The following DCAF10 variants were observed in gnomAD, a reference collection of about 807,000 sequenced individuals.
DCAF10 encodes DDB1 and CUL4 associated factor 10.
A neutral mutation model predicts 51.9 loss-of-function variants in DCAF10; 19 were observed. That is an observed-to-expected ratio of 0.37 (90% CI 0.26 to 0.54). The LOEUF (loss-of-function observed/expected upper bound fraction) is 0.54, where lower values mean the gene tolerates loss of function less well. DCAF10 is among the 20% of genes least tolerant of loss of function. DCAF10 has a pLI of 0.87. For synonymous variants in DCAF10, 291 were observed against 297.1 expected, an observed-to-expected ratio of 0.98 and a Z score of 0.21; for missense variants, 510 against 730.6, an observed-to-expected ratio of 0.70 and a Z score of 3.48.
chr9:37,859,945 G>A, intron 5 of DCAF10, 103 bp from the exon 6 acceptor site: 3 of 1,372,194 alleles, frequency 2.2e-6, no homozygotes, highest in Non-Finnish European at 2.0e-6. Context: ...GCAGACTAAG[G>A]AATGACGGCA....
At chr9:37,857,427 C>A in intron 5 of DCAF10, 76 bp downstream of exon 5, 1 of 1,104,070 alleles carries the variant, frequency 9.1e-7, no homozygotes, top group Non-Finnish European at 1.3e-6. Flanking sequence ...TTGATTAAAA[C>A]CAGTTTTATG....
chr9:37,801,324 G>A lies in DCAF10; in HGVS notation c.458G>A (p.Gly153Asp), dbSNP rs1440116800. The A allele has an allele frequency of 6.3e-7, 1 of 1,590,140 alleles. No homozygotes were observed. The highest frequency in any genetic ancestry group is 1.7e-5 in the Admixed American group (1 of 57,762). ...TTTCGCACCATGACTAGCCTCTACG[G>A]TTCCATCCACCCCGCGGACTCGGTG... Reference protein sequence around the residue: ...DNFRTMTSLYGSIHPADSVYL... With the variant: ...DNFRTMTSLYDSIHPADSVYL... The change falls in exon 1 of 7, where the codon GGT (glycine) becomes GAT (aspartate). Residue 153 changes from glycine (G) to aspartate (D), a missense_variant. Gly to Asp is a moderately conservative substitution (Grantham distance 94). Around this residue, in one of 4 missense-constraint regions of DCAF10, gnomAD observed 126 missense variants for 271.5 expected, o/e 0.46. Coordinates refer to ENST00000377724, the MANE Select transcript of DCAF10 (RefSeq NM_024345.5). The surrounding 1 kb of genome is among the most constrained non-coding windows in gnomAD (Gnocchi z 5.5).
rs552682999 is a variant in DCAF10, at chr9:37,802,371, G to T, written c.539+966G>T. Reference sequence around the variant, plus strand: ...TTGAGATAAAGTCTTGAAGGAATCTGTTATGGACACTGTGTTCACGGATTC... The same window carrying T: ...TTGAGATAAAGTCTTGAAGGAATCTTTTATGGACACTGTGTTCACGGATTC... On this transcript the variant is annotated intron_variant, in intron 1 of 6. Transcript: ENST00000377724. Among the ~76,000 whole-genome samples, 3 of 152,326 alleles carry T rather than the reference G, an allele frequency of 2.0e-5. No homozygotes were observed. In the East Asian group the frequency reaches 5.8e-4, roughly 29 times the overall value.
rs1831068471 is a variant in DCAF10 at position 37,863,387 on chromosome 9, AAAGT to A, written c.*1880_*1883del. ...CATTTGGGCTTAAGACAATTCCCAG[AAAGT>A]GTTTTCATTATTTAAAAAATAATAA... On this transcript the variant is annotated 3_prime_UTR_variant, in exon 7 of 7. Coordinates refer to ENST00000377724, the MANE Select transcript of DCAF10 (RefSeq NM_024345.5). The A allele has an allele frequency of 1.3e-5, 2 of 152,144 alleles. No individual in the cohort carries two copies. Among genetic ancestry groups the A allele is most frequent in the East Asian group, 3.9e-4 (2 of 5,184 alleles). The allele number at this position is 152,144 out of a possible 1,614,324, so 9.4% of individuals were successfully genotyped here.
intron 1 of DCAF10, among the ~76,000 whole-genome samples, chr9:37,806,046 T>G (rs971950035): frequency 3.3e-5 from 5 of 152,156 alleles, no homozygotes; most frequent in African/African-American, 1.2e-4. Flanking sequence ...ATTGTGCCAC[T>G]GCACTCCAGC....
Position 37,801,287 on chromosome 9 carries a change from G to A in DCAF10, c.421G>A (p.Ala141Thr). 1.3e-6 allele frequency: 2 copies of A among 1,596,686 alleles called. No homozygotes were observed. The highest frequency in any genetic ancestry group is 8.5e-7 in the Non-Finnish European group (1 of 1,174,216). Reference sequence around the variant, plus strand: ...GGGCCGCGGGCTGTTCGTGGACCCGGCGCGGGACAATTTTCGCACCATGAC... The same window carrying A: ...GGGCCGCGGGCTGTTCGTGGACCCGACGCGGGACAATTTTCGCACCATGAC... Reference protein sequence around the residue: ...SLGRGLFVDPARDNFRTMTSL... With the variant: ...SLGRGLFVDPTRDNFRTMTSL... The change falls in exon 1 of 7, where the codon GCG becomes ACG. Residue 141 changes from alanine to threonine, a missense_variant. Ala to Thr is a moderately conservative substitution (Grantham distance 58). This residue lies in a region of DCAF10 where 251 missense variants were observed against 227.9 expected (regional missense o/e 1.10). Coordinates refer to ENST00000377724, the MANE Select transcript of DCAF10 (RefSeq NM_024345.5). The surrounding 1 kb of genome is among the most constrained non-coding windows in gnomAD (Gnocchi z 5.5).
rs1458648243 is a variant in DCAF10, at chr9:37,829,676, G to A, written c.653+10275G>A. 6.6e-6 allele frequency among the ~76,000 whole-genome samples: 1 copy of A among 152,064 alleles called. No individual in the cohort carries two copies. Among genetic ancestry groups the A allele is most frequent in the Non-Finnish European group, 1.5e-5 (1 of 68,006 alleles). ...TAACATTATTTTGAAGAGCAGTTGAGCAATATATGGTAAAGCTGAAGATTA... is the reference window on the plus strand; with the variant it reads ...TAACATTATTTTGAAGAGCAGTTGAACAATATATGGTAAAGCTGAAGATTA... On this transcript the variant is annotated intron_variant, in intron 2 of 6. Transcript: ENST00000377724. This position sits in a 1 kb window ranked among gnomAD's most constrained non-coding sequence, Gnocchi z 4.2.
chr9:37,857,502 A>T, intron 5 of DCAF10, 151 bp downstream of exon 5: 1 of 531,842 alleles, frequency 1.9e-6, no homozygotes, highest in Non-Finnish European at 3.1e-6. Flanking sequence ...ATCATCTTCA[A>T]AAAGCTAACC....
chr9:37,836,520 C>T (rs1297874570), intron 2 of DCAF10: 22 of 806,308 alleles, frequency 2.7e-5, no homozygotes, highest in Admixed American at 1.0e-4. Context: ...CTATTGAGTT[C>T]TCGTGCCCTC....
At chr9:37,836,102 T>C (rs2117988257) in intron 2 of DCAF10, 1 of 1,230,140 alleles carries the variant, frequency 8.1e-7, no homozygotes, top group Non-Finnish European at 1.2e-6. Flanking sequence ...AAGAACTTGG[T>C]ATCTCTATTA....
chr9:37,837,371 A>C (rs1830196585), intron 2 of DCAF10, among the ~76,000 whole-genome samples: 2 of 151,352 alleles, frequency 1.3e-5, no homozygotes. Context: ...AGGCAGGAGA[A>C]TCCCTTGAAC....
chr9:37,842,357 G>A (rs1830359171), intron 3 of DCAF10, 71 bp downstream of exon 3: 1 of 1,445,814 alleles, frequency 6.9e-7, no homozygotes, highest in Admixed American at 2.0e-5. Context: ...AACAAATTCA[G>A]TGTTCTGTCC....
At chr9:37,858,211 T>C (rs1171486404) in intron 5 of DCAF10, among the ~76,000 whole-genome samples, 1 of 152,240 alleles carries the variant, frequency 6.6e-6, no homozygotes, top group African/African-American at 2.4e-5. Flanking sequence ...TTAAGAGCTC[T>C]TTCTAACCTA....
At chr9:37,852,211 C>T (rs1241073535) in intron 3 of DCAF10, among the ~76,000 whole-genome samples, 1 of 152,114 alleles carries the variant, frequency 6.6e-6, no homozygotes, top group African/African-American at 2.4e-5. Context: ...CAAATAGTAA[C>T]AATGGAAAAT....
chr9:37,801,454 C>T lies in DCAF10; in HGVS notation c.539+49C>T. 12 of 1,375,218 alleles carry T rather than the reference C, an allele frequency of 8.7e-6. 1 individual carries two copies. The South Asian group carries it at 2.1e-4, about 25-fold the overall frequency. 85.2% of individuals were successfully genotyped at this position (1,375,218 alleles called of 1,614,324 possible). On this transcript the variant is annotated intron_variant, in intron 1 of 6. Coordinates refer to ENST00000377724, the MANE Select transcript of DCAF10 (RefSeq NM_024345.5). The surrounding 1 kb of genome is among the most constrained non-coding windows in gnomAD (Gnocchi z 5.5). ...GGGCGCCCGCCTCCGCCCGGCTCTG[C>T]TGCCAGCGGACGGCCGTCCTGGGCT...
Position 37,801,040 on chromosome 9 carries a change from C to A in DCAF10, c.174C>A (p.Gly58=). Residue 58 remains glycine, a synonymous_variant, in exon 1 of 7, where the codon GGC becomes GGA. Transcript: ENST00000377724. The surrounding 1 kb of genome is among the most constrained non-coding windows in gnomAD (Gnocchi z 5.5). ...CCGCCCGAAGCCCTCGCCGCCCCGG[C>A]GCCCCATCGCTGTCCCCGGCCCCGC... is the stretch of plus-strand genomic sequence containing the variant. ...PPPARSPRRP[G]APSLSPAPRS... is the part of the protein sequence containing the mutation. 6.5e-7 allele frequency: 1 copy of A among 1,537,274 alleles called. No individual in the cohort carries two copies. The highest frequency in any genetic ancestry group is 1.9e-5 in the Admixed American group (1 of 53,198).
intron 3 of DCAF10, 91 bp from the exon 4 acceptor site, chr9:37,854,689 C>A: frequency 8.2e-7 from 1 of 1,221,658 alleles, no homozygotes. Context: ...ATCCTCCCTA[C>A]ATTTTATTTT....
intron 2 of DCAF10, among the ~76,000 whole-genome samples, chr9:37,839,052 T>C (rs1278726842): frequency 2.7e-5 from 4 of 146,432 alleles, no homozygotes; most frequent in Non-Finnish European, 6.0e-5. Context: ...TGATGGATTT[T>C]TTTTTTCTTT....
chr9:37,819,775 C>T (rs1009599373), intron 2 of DCAF10, among the ~76,000 whole-genome samples: 1 of 152,184 alleles, frequency 6.6e-6, no homozygotes, highest in Non-Finnish European at 1.5e-5. Flanking sequence ...CCACTCTCTG[C>T]AGAAATACAG....
Sources: gnomAD v4.1 joint callset for allele counts (sites outside exome capture counted in the v4.1 genomes callset) on GRCh38, gnomAD v4.1.1 for gene constraint, gnomAD v4.1.1 regional missense constraint, Gnocchi (gnomAD v3.1) non-coding constraint, MANE v1.5 for transcripts, NCBI Gene and HGNC (gene_info 2026-07-23, HGNC 2026-07-21) for gene names.